Variants in EFNA5 observed in about 807,000 individuals in gnomAD.
EFNA5 encodes the protein ephrin-A5.
A neutral mutation model predicts 22.9 loss-of-function variants in EFNA5; 5 were observed. The ratio of observed to expected loss-of-function variants is 0.22; its 90% CI spans 0.11 to 0.46. EFNA5 has a LOEUF of 0.46. Among genes scored for constraint, EFNA5 ranks in the 20% least tolerant of loss-of-function variants. The pLI is 0.99. For missense variants in EFNA5, 237 were observed against 293.3 expected (o/e 0.81, Z 1.40); for synonymous variants, 113 against 112.2 (o/e 1.01, Z -0.04).
At chr5:107,628,771 G>C (rs1750188205) in intron 1 of EFNA5, among the ~76,000 whole-genome samples, 1 of 152,158 alleles carries the variant, frequency 6.6e-6, no homozygotes. Context: ...TGAAGGCTGT[G>C]AAAAGAGAAG....
At chr5:107,496,721 A>AT (rs1746994918) in intron 1 of EFNA5, among the ~76,000 whole-genome samples, 3 of 152,224 alleles carry the variant, frequency 2.0e-5, no homozygotes, top group Non-Finnish European at 2.9e-5. Context: ...TGCAACTTCC[A>AT]TTAGTGGATG....
chr5:107,450,580 T>C (rs152589), intron 1 of EFNA5, among the ~76,000 whole-genome samples: 42,388 of 152,110 alleles, frequency 0.28, 6,382 homozygotes, highest in East Asian at 0.54. Flanking sequence ...AAAAATTTTG[T>C]CTATAATTGA....
intron 1 of EFNA5, among the ~76,000 whole-genome samples, chr5:107,482,283 G>A (rs1455668685): frequency 6.7e-6 from 1 of 148,158 alleles, no homozygotes; most frequent in Non-Finnish European, 1.5e-5. Flanking sequence ...TCCAGCCTGG[G>A]TGACAAAATG....
chr5:107,405,873 ATATATT>A (rs1748195925), intron 2 of EFNA5, among the ~76,000 whole-genome samples: 2 of 147,958 alleles, frequency 1.4e-5, no homozygotes, highest in African/African-American at 5.0e-5. Context: ...ATACAAATAC[ATATATT>A]TGTATACATA....
Position 107,608,413 on chromosome 5 carries a change from C to T in EFNA5, c.125+62076G>A, listed in dbSNP as rs372604278. 1.2e-4 allele frequency among the ~76,000 whole-genome samples: 18 copies of T among 152,348 alleles called. No individual in the cohort carries two copies. In the East Asian group the frequency reaches 3.1e-3, roughly 26 times the overall value. On this transcript the variant is annotated intron_variant, in intron 1 of 4. Coordinates refer to ENST00000333274, the MANE Select transcript of EFNA5 (RefSeq NM_001962.3). ...ACAACTTAAAATGTTAAGCCTCATT[C>T]ATCGTAAAAATTCACTGCTCAAACT... is the stretch of plus-strand genomic sequence containing the variant.
At chr5:107,670,136 G>C (rs1433507635) in intron 1 of EFNA5, among the ~76,000 whole-genome samples, 1 of 151,900 alleles carries the variant, frequency 6.6e-6, no homozygotes, top group Non-Finnish European at 1.5e-5. Flanking sequence ...TGCGCACACT[G>C]GGGGCTCCCC....
At chr5:107,488,096 A>C (rs778972152) in intron 1 of EFNA5, among the ~76,000 whole-genome samples, 4 of 152,238 alleles carry the variant, frequency 2.6e-5, no homozygotes, top group Non-Finnish European at 5.9e-5. Context: ...TATTTAAAAC[A>C]CAAATGTTGA....
At chr5:107,466,865 A>G (rs1008687103) in intron 1 of EFNA5, among the ~76,000 whole-genome samples, 1 of 152,162 alleles carries the variant, frequency 6.6e-6, no homozygotes, top group Non-Finnish European at 1.5e-5. Context: ...GGCAAATGGA[A>G]GGCGCTATAC....
intron 1 of EFNA5, among the ~76,000 whole-genome samples, chr5:107,448,357 A>T (rs1390553841): frequency 6.6e-6 from 1 of 152,214 alleles, no homozygotes; most frequent in African/African-American, 2.4e-5. Context: ...TAGAGGCCCT[A>T]TTGAATGCTA....
intron 2 of EFNA5, among the ~76,000 whole-genome samples, chr5:107,408,171 A>G (rs954729845): frequency 8.8e-5 from 13 of 147,918 alleles, no homozygotes; most frequent in Non-Finnish European, 1.8e-4. Flanking sequence ...AAAACAACGC[A>G]CACACACACA....
intron 2 of EFNA5, among the ~76,000 whole-genome samples, chr5:107,395,000 T>C (rs1303954525): frequency 6.8e-6 from 1 of 147,756 alleles, no homozygotes. Context: ...GAGAATGATT[T>C]TAAAATGTCC....
chr5:107,418,219 A>AAT (rs982798746), intron 2 of EFNA5, among the ~76,000 whole-genome samples: 7 of 152,314 alleles, frequency 4.6e-5, no homozygotes, highest in Middle Eastern at 3.4e-3. Flanking sequence ...AATGAAGTAT[A>AAT]AACACTGTTA....
intron 1 of EFNA5, among the ~76,000 whole-genome samples, chr5:107,494,376 C>T (rs1011662095): frequency 6.6e-6 from 1 of 152,196 alleles, no homozygotes; most frequent in South Asian, 2.1e-4. Flanking sequence ...CAGTGAGGGG[C>T]TTAGCACCCA....
At chr5:107,445,215 G>A (rs999138009) in intron 1 of EFNA5, among the ~76,000 whole-genome samples, 2 of 152,018 alleles carry the variant, frequency 1.3e-5, no homozygotes, top group Non-Finnish European at 2.9e-5. Flanking sequence ...TAGATACAGG[G>A]TTTTGCCATG....
Position 107,378,828 on chromosome 5 carries a change from C to T in EFNA5, c.*2427G>A, listed in dbSNP as rs1266034151. 1.3e-5 allele frequency: 2 copies of T among 152,086 alleles called. No homozygotes were observed. Among genetic ancestry groups the T allele is most frequent in the African/African-American group, 4.8e-5 (2 of 41,422 alleles). The allele number at this position is 152,086 out of a possible 1,614,324, so 9.4% of individuals were successfully genotyped here. On this transcript the variant is annotated 3_prime_UTR_variant, in exon 5 of 5. Transcript: ENST00000333274. ...GTCACCATTTCTAAAATGCATTTAG[C>T]ACTGCTAACATAGTTATGACTAACT...
At position 107,660,944 on chromosome 5, in the gene EFNA5, G is replaced by A. The variant is rs574209308; in HGVS notation, c.125+9545C>T. Among the ~76,000 whole-genome samples the A allele has an allele frequency of 9.9e-5, 15 of 152,144 alleles. No individual in the cohort carries two copies. In the South Asian group the frequency reaches 1.5e-3, roughly 15 times the overall value. On this transcript the variant is annotated intron_variant, in intron 1 of 4. Transcript: ENST00000333274. ...CCGCCAGAAAACTACTGAAATAGGC[G>A]TAAAAGTTTATTGAAGCAGTAACAG...
At chr5:107,457,011 C>G (rs932206523) in intron 1 of EFNA5, among the ~76,000 whole-genome samples, 5 of 152,090 alleles carry the variant, frequency 3.3e-5, no homozygotes, top group Non-Finnish European at 5.9e-5. Context: ...TCTTGCAGGT[C>G]AAACTCTGTA....
At chr5:107,417,470 A>C (rs1013805248) in intron 2 of EFNA5, among the ~76,000 whole-genome samples, 2 of 152,206 alleles carry the variant, frequency 1.3e-5, no homozygotes, top group African/African-American at 4.8e-5. Context: ...CAAAGTCCAC[A>C]TATTTCCCCT....
chr5:107,659,732 A>G (rs1453715520), intron 1 of EFNA5, among the ~76,000 whole-genome samples: 4 of 152,090 alleles, frequency 2.6e-5, no homozygotes, highest in African/African-American at 9.7e-5. Flanking sequence ...ATATGTTAAT[A>G]TATGTATTGA....
Sources: allele counts gnomAD v4.1 joint callset (sites outside exome capture counted in the v4.1 genomes callset), GRCh38; gene constraint gnomAD v4.1.1; transcripts MANE v1.5; gene names NCBI Gene and HGNC (gene_info 2026-07-23, HGNC 2026-07-21).